The following DHX38 variants were observed in gnomAD, a reference collection of about 807,000 sequenced individuals.
The protein encoded by DHX38 is DEAH-box helicase 38.
In DHX38, 100 loss-of-function variants were observed where a neutral mutation model predicts 153.1. The observed-to-expected ratio is 0.65, with a 90% confidence interval of 0.56 to 0.77. The LOEUF (loss-of-function observed/expected upper bound fraction) is 0.77. Among genes scored for constraint, DHX38 ranks in the 30% least tolerant of loss-of-function variants. The probability of loss-of-function intolerance (pLI) is 0.00; values close to 1 mark genes in which losing one functional copy is unlikely to be tolerated. For synonymous variants in DHX38, 650 were observed against 631.7 expected, an observed-to-expected ratio of 1.03 and a Z score of -0.43; for missense variants, 1,440 against 1,654.0, an observed-to-expected ratio of 0.87 and a Z score of 2.24.
chr16:72,100,647 T>C (rs756587122), intron 9 of DHX38, 50 bp downstream of exon 9: 2 of 1,596,412 alleles, frequency 1.3e-6, no homozygotes. Context: ...AGACCTGATG[T>C]GGGCCAGGTG....
At chr16:72,098,339 A>G (rs2144136035) in intron 4 of DHX38, among the ~76,000 whole-genome samples, 2 of 152,278 alleles carry the variant, frequency 1.3e-5, no homozygotes, top group Middle Eastern at 6.8e-3. Flanking sequence ...AGGCTGAGGC[A>G]GGAGAATCAC....
chr16:72,109,040 A>G (rs977434703), intron 24 of DHX38, 115 bp downstream of exon 24: 1 of 1,440,934 alleles, frequency 6.9e-7, no homozygotes, highest in Non-Finnish European at 9.2e-7. Context: ...GGCCACATGC[A>G]TTGTTTTGCG....
Position 72,104,621 on chromosome 16 carries a change from A to G in DHX38, c.2146A>G (p.Ser716Gly). Residue 716 changes from serine (S) to glycine (G), a missense_variant, in exon 15 of 27, where the codon AGC (serine) becomes GGC (glycine). Around this residue, in one of 6 missense-constraint regions of DHX38, gnomAD observed 543 missense variants for 717.9 expected, o/e 0.76. Coordinates refer to ENST00000268482, the MANE Select transcript of DHX38 (RefSeq NM_014003.4). The surrounding 1 kb of genome is among the most constrained non-coding windows in gnomAD (Gnocchi z 4.5). ...TACCTTCCCTGTTGACATCCTCTTCAGCAAGGTATTGAGGCCACCATGTTA... is the reference window on the plus strand; with the variant it reads ...TACCTTCCCTGTTGACATCCTCTTCGGCAAGGTATTGAGGCCACCATGTTA... ...GRTFPVDILFSKTPQEDYVEA... is the reference protein window; with the variant it reads ...GRTFPVDILFGKTPQEDYVEA... 5 of 1,614,136 alleles carry G rather than the reference A, an allele frequency of 3.1e-6. No individual in the cohort carries two copies. Among genetic ancestry groups the G allele is most frequent in the Non-Finnish European group, 4.2e-6 (5 of 1,180,024 alleles).
chr16:72,105,694 CA>C (rs2042166215), intron 18 of DHX38, 70 bp downstream of exon 18: 6 of 1,475,234 alleles, frequency 4.1e-6, no homozygotes, highest in Non-Finnish European at 5.7e-6. Context: ...GGTGGGAAGC[CA>C]GGGCCTCGCT....
chr16:72,101,936 A>G (rs1171681797), intron 11 of DHX38, among the ~76,000 whole-genome samples: 1 of 152,178 alleles, frequency 6.6e-6, no homozygotes, highest in Non-Finnish European at 1.5e-5. Flanking sequence ...GCCGTCTCAC[A>G]TCAGAGCCAC....
intron 8 of DHX38, 143 bp from the exon 9 acceptor site, chr16:72,100,293 T>C (rs1567605477): frequency 3.5e-6 from 4 of 1,136,026 alleles, no homozygotes; most frequent in Non-Finnish European, 1.2e-6. Context: ...CTTCTGTCTT[T>C]GGAGCTGTGG....
intron 25 of DHX38, 133 bp downstream of exon 25, chr16:72,109,643 G>T: frequency 1.2e-6 from 1 of 833,502 alleles, no homozygotes; most frequent in Non-Finnish European, 1.7e-6. Context: ...TGATCCAGCA[G>T]GCTGGGTCTG....
chr16:72,101,710 T>G, intron 11 of DHX38, 98 bp downstream of exon 11: 4 of 902,424 alleles, frequency 4.4e-6, no homozygotes, highest in Non-Finnish European at 7.0e-6. Flanking sequence ...GGCTCCTGAG[T>G]GGGAGACTCT....
At chr16:72,106,571 C>A (rs776352468) in intron 19 of DHX38, among the ~76,000 whole-genome samples, 13 of 152,088 alleles carry the variant, frequency 8.5e-5, no homozygotes, top group Admixed American at 2.0e-4. Context: ...ACCTCAGACT[C>A]CCAAGGGGCT....
chr16:72,101,521 C>T lies in DHX38; in HGVS notation c.1408C>T (p.Leu470=). The change falls in exon 11 of 27, where the codon CTG becomes TTG. Residue 470 remains leucine (L), a synonymous_variant. Coordinates refer to ENST00000268482, the MANE Select transcript of DHX38 (RefSeq NM_014003.4). ...RKKAQHKHWE[L]AGTKLGDIMG... is the part of the protein sequence containing the mutation. ...TCAGGCTCAGCACAAACACTGGGAA[C>T]TGGCGGGGACCAAACTGGGAGATAT... The T allele has an allele frequency of 6.4e-7, 1 of 1,552,056 alleles. No homozygotes were observed. The highest frequency in any genetic ancestry group is 1.4e-5 in the African/African-American group (1 of 73,202).
chr16:72,103,620 C>A lies in DHX38; in HGVS notation c.1656C>A (p.Ile552=). The change falls in exon 13 of 27, where the codon ATC becomes ATA. Residue 552 remains isoleucine (I), a synonymous_variant. Transcript: ENST00000268482. ...LTIIRDNSIV[I]VVGETGSGKT... ...CTTGTAGAGACAACAGCATCGTGATCGTGGTTGGGGAGACGGGGAGTGGTA... is the reference window on the plus strand; with the variant it reads ...CTTGTAGAGACAACAGCATCGTGATAGTGGTTGGGGAGACGGGGAGTGGTA... The A allele has an allele frequency of 6.2e-7, 1 of 1,609,420 alleles. No individual in the cohort carries two copies. The highest frequency in any genetic ancestry group is 8.5e-7 in the Non-Finnish European group (1 of 1,176,006).
intron 24 of DHX38, among the ~76,000 whole-genome samples, 176 bp from the exon 25 acceptor site, chr16:72,109,239 C>T (rs935653019): frequency 6.6e-6 from 1 of 152,118 alleles, no homozygotes; most frequent in South Asian, 2.1e-4. Flanking sequence ...ATACTGGGGG[C>T]ATTTTCTCAA....
rs901908280 is a variant in DHX38 at position 72,098,592 on chromosome 16, C to T, written c.617-53C>T. 4 of 1,600,554 alleles carry T rather than the reference C, an allele frequency of 2.5e-6. No individual in the cohort carries two copies. The Admixed American group carries it at 5.1e-5, about 20-fold the overall frequency. ...TTGACTTTTGGCAACTGGTTCTAGA[C>T]CATGTCATGGTTAAGTGAGATGTTT... On this transcript the variant is annotated intron_variant, in intron 4 of 26. Coordinates refer to ENST00000268482, the MANE Select transcript of DHX38 (RefSeq NM_014003.4).
chr16:72,103,418 G>A (rs1173562481), intron 12 of DHX38, among the ~76,000 whole-genome samples, 184 bp from the exon 13 acceptor site: 1 of 152,218 alleles, frequency 6.6e-6, no homozygotes, highest in Non-Finnish European at 1.5e-5. Flanking sequence ...AAACCTCACC[G>A]TATTCCAGAT....
intron 3 of DHX38, chr16:72,097,248 GA>G (rs2042034019): frequency 2.2e-6 from 1 of 446,364 alleles, no homozygotes. Flanking sequence ...GAAAATTGAT[GA>G]TAAAGGAGAT....
At position 72,112,564 on chromosome 16, in the gene DHX38, A is replaced by G; in HGVS notation, c.*67A>G. 1 of 1,550,724 alleles carries G rather than the reference A, an allele frequency of 6.4e-7. No homozygotes were observed. Among genetic ancestry groups the G allele is most frequent in the Non-Finnish European group, 8.8e-7 (1 of 1,131,972 alleles). On this transcript the variant is annotated 3_prime_UTR_variant, in exon 27 of 27. Coordinates refer to ENST00000268482, the MANE Select transcript of DHX38 (RefSeq NM_014003.4). ...CCTCAGCCTTCTGGCGGGAGCCCTG[A>G]GGCTGCGGACAAAGCCCTTTCATCT...
Position 72,104,710 on chromosome 16 carries a change from G to A in DHX38, c.2151+84G>A. On this transcript the variant is annotated intron_variant, in intron 15 of 26. Transcript: ENST00000268482. This position sits in a 1 kb window ranked among gnomAD's most constrained non-coding sequence, Gnocchi z 4.5. Reference sequence around the variant, plus strand: ...AAGCCGGCTGGAGGGTGGAGGGTGGGTAGGGGACTGGGTTGGAGAAGATTT... The same window carrying A: ...AAGCCGGCTGGAGGGTGGAGGGTGGATAGGGGACTGGGTTGGAGAAGATTT... 6.3e-7 allele frequency: 1 copy of A among 1,580,086 alleles called. No homozygotes were observed. Among genetic ancestry groups the A allele is most frequent in the Non-Finnish European group, 8.6e-7 (1 of 1,159,912 alleles).
At chr16:72,096,745 G>T in intron 2 of DHX38, 77 bp from the exon 3 acceptor site, 3 of 1,527,944 alleles carry the variant, frequency 2.0e-6, no homozygotes, top group African/African-American at 2.8e-5. Flanking sequence ...CAGATCACTT[G>T]TTTGGACAGC....
rs1051490607 is a variant in DHX38, at chr16:72,093,869, T to G, written c.-202T>G. The G allele has an allele frequency of 6.6e-6, 1 of 152,232 alleles. No individual in the cohort carries two copies. Among genetic ancestry groups the G allele is most frequent in the Non-Finnish European group, 1.5e-5 (1 of 68,116 alleles). 9.4% of individuals were successfully genotyped at this position (152,232 alleles called of 1,614,324 possible). On this transcript the variant is annotated 5_prime_UTR_variant, in exon 1 of 27. Transcript: ENST00000268482. ...CACACTTGGATCCAGGAATCGGGCG[T>G]GTTCCAGGCTGCTCTCTATGGTAGC...
Sources: gnomAD v4.1 joint callset for allele counts (sites outside exome capture counted in the v4.1 genomes callset) on GRCh38, gnomAD v4.1.1 for gene constraint, gnomAD v4.1.1 regional missense constraint, Gnocchi (gnomAD v3.1) non-coding constraint, MANE v1.5 for transcripts, NCBI Gene and HGNC (gene_info 2026-07-23, HGNC 2026-07-21) for gene names.